Variants in CCNB3 observed in about 807,000 individuals in gnomAD.
CCNB3 encodes G2/mitotic-specific cyclin-B3.
Under a neutral mutation model 68.0 loss-of-function variants are expected in CCNB3, and 12 were observed. The ratio of observed to expected loss-of-function variants is 0.18; its 90% CI spans 0.11 to 0.29. The LOEUF is 0.29. CCNB3 is among the 10% of genes least tolerant of loss of function. CCNB3 has a pLI of 1.00. For missense variants in CCNB3, 904 were observed against 993.1 expected (o/e 0.91, Z 1.21); for synonymous variants, 354 against 388.9 (o/e 0.91, Z 1.06).
rs1242782036 is a variant in CCNB3, at chrX:50,300,405, G to T, written c.335+5412G>T. ...CCTTTGCTTATGAAGCTTAGTTTGG[G>T]TGGATATGAAATTCTGGGTTGAAAA... is the stretch of plus-strand genomic sequence containing the variant. On this transcript the variant is annotated intron_variant, in intron 5 of 12. Coordinates refer to ENST00000376042, the MANE Select transcript of CCNB3 (RefSeq NM_033031.3). Among the ~76,000 whole-genome samples, 6 of 111,077 alleles carry T rather than the reference G, an allele frequency of 5.4e-5. No individual in the cohort carries two copies. The East Asian group carries it at 1.4e-3, about 26-fold the overall frequency.
chrX:50,215,592 G>C (rs1935559317), intron 1 of CCNB3, among the ~76,000 whole-genome samples: 1 of 110,540 alleles, frequency 9.0e-6, no homozygotes, highest in Admixed American at 9.7e-5. Flanking sequence ...TATTGAGAGA[G>C]GGATGTTGAA....
chrX:50,299,124 C>G (rs1557211780), intron 5 of CCNB3, among the ~76,000 whole-genome samples: 1 of 111,546 alleles, frequency 9.0e-6, no homozygotes, highest in African/African-American at 3.3e-5. Flanking sequence ...TTTTGTGTCT[C>G]TATTGCCTTC....
At chrX:50,334,724 A>G in intron 8 of CCNB3, among the ~76,000 whole-genome samples, 1 of 112,288 alleles carries the variant, frequency 8.9e-6, no homozygotes, top group Non-Finnish European at 1.9e-5. Context: ...TTTTTCCTTT[A>G]ACTTACAAAA....
chrX:50,288,654 G>T (rs1011673902), intron 3 of CCNB3, 126 bp from the exon 4 acceptor site: 2 of 447,918 alleles, frequency 4.5e-6, no homozygotes, highest in East Asian at 7.5e-5. Context: ...GTTTATTGGG[G>T]TTTATTATAT....
intron 4 of CCNB3, among the ~76,000 whole-genome samples, chrX:50,292,063 A>T (rs1936358150): frequency 9.0e-6 from 1 of 111,585 alleles, no homozygotes; most frequent in Admixed American, 9.6e-5. Context: ...TGTATATGTC[A>T]TGGTCCCTTT....
At chrX:50,227,422 T>C (rs1448454068) in intron 1 of CCNB3, among the ~76,000 whole-genome samples, 2 of 83,900 alleles carry the variant, frequency 2.4e-5, no homozygotes, top group African/African-American at 4.4e-5. Context: ...AGAATATTTA[T>C]AAATATATAC....
At chrX:50,280,212 T>A (rs1346911595) in intron 1 of CCNB3, among the ~76,000 whole-genome samples, 1 of 36,495 alleles carries the variant, frequency 2.7e-5, no homozygotes, top group Admixed American at 3.0e-4. Flanking sequence ...AAATATATTT[T>A]TAGAATATAT....
At chrX:50,225,999 A>C (rs940474584) in intron 1 of CCNB3, among the ~76,000 whole-genome samples, 3 of 92,047 alleles carry the variant, frequency 3.3e-5, no homozygotes, top group Non-Finnish European at 6.3e-5. Flanking sequence ...ATGTATATAT[A>C]AATATATATA....
At chrX:50,214,164 A>G (rs1418807713) in intron 1 of CCNB3, among the ~76,000 whole-genome samples, 2 of 109,742 alleles carry the variant, frequency 1.8e-5, no homozygotes, top group East Asian at 2.9e-4. Context: ...TTATTAATCT[A>G]TGTCATTTCT....
chrX:50,206,982 T>C (rs1171616099), intron 1 of CCNB3, among the ~76,000 whole-genome samples: 4 of 111,293 alleles, frequency 3.6e-5, no homozygotes, highest in African/African-American at 6.5e-5. Context: ...GGAAAACGTA[T>C]TCCCATGCAG....
intron 8 of CCNB3, among the ~76,000 whole-genome samples, chrX:50,339,585 G>A (rs889460638): frequency 6.3e-5 from 7 of 111,452 alleles, no homozygotes; most frequent in Non-Finnish European, 1.1e-4. Context: ...GATTGCTTGG[G>A]GCCAGGAGTT....
At chrX:50,343,356 C>G (rs1923234883) in intron 9 of CCNB3, among the ~76,000 whole-genome samples, 1 of 111,475 alleles carries the variant, frequency 9.0e-6, no homozygotes, top group South Asian at 3.8e-4. Context: ...CACCCATTAA[C>G]TCGTCATTTA....
At chrX:50,226,279 ATT>A (rs1181856037) in intron 1 of CCNB3, among the ~76,000 whole-genome samples, 2 of 64,536 alleles carry the variant, frequency 3.1e-5, no homozygotes, top group African/African-American at 1.4e-4. Context: ...GAATATATAT[ATT>A]TATATATATA....
Position 50,209,276 on chromosome X carries a change from G to A in CCNB3, c.-113+4326G>A, listed in dbSNP as rs1256465250. Among the ~76,000 whole-genome samples the A allele has an allele frequency of 9.9e-5, 11 of 111,600 alleles. No individual in the cohort carries two copies. The Admixed American group carries it at 1.0e-3, about 11-fold the overall frequency. ...TCCTTGTGTCCCCTTGTTGTTGGGTGTATTTTTGTTAAGAACACTTAACAT... is the reference window on the plus strand; with the variant it reads ...TCCTTGTGTCCCCTTGTTGTTGGGTATATTTTTGTTAAGAACACTTAACAT... On this transcript the variant is annotated intron_variant, in intron 1 of 12. Coordinates refer to ENST00000376042, the MANE Select transcript of CCNB3 (RefSeq NM_033031.3).
rs782603163 is a variant in CCNB3, at chrX:50,324,616, T to C, written c.3516+10668T>C. On this transcript the variant is annotated intron_variant, in intron 8 of 12. Transcript: ENST00000376042. Reference sequence around the variant, plus strand: ...ATACCTTTTCTGTTTTAAAAATTCATTTAACATCTGCTTTTATTTTTATTT... The same window carrying C: ...ATACCTTTTCTGTTTTAAAAATTCACTTAACATCTGCTTTTATTTTTATTT... 2.2e-3 allele frequency among the ~76,000 whole-genome samples: 249 copies of C among 112,187 alleles called. 6 individuals carry two copies. The highest frequency in any genetic ancestry group is 9.2e-3 in the Middle Eastern group (2 of 218).
chrX:50,323,928 T>C (rs1345840430), intron 8 of CCNB3, among the ~76,000 whole-genome samples: 1 of 112,668 alleles, frequency 8.9e-6, no homozygotes, highest in Non-Finnish European at 1.9e-5. Flanking sequence ...TTTTTGTGTG[T>C]GATTCTTTGA....
At chrX:50,279,611 T>C (rs906158834) in intron 1 of CCNB3, among the ~76,000 whole-genome samples, 3 of 74,979 alleles carry the variant, frequency 4.0e-5, no homozygotes, top group Non-Finnish European at 8.2e-5. Context: ...TGTATATGCA[T>C]ATGTACATTC....
chrX:50,347,857 C>A, intron 11 of CCNB3, 82 bp downstream of exon 11: 1 of 967,720 alleles, frequency 1.0e-6, no homozygotes, highest in Non-Finnish European at 1.4e-6. Flanking sequence ...TAAATTAAGG[C>A]CACGGGAAAC....
chrX:50,351,205 T>C, intron 11 of CCNB3, 36 bp from the exon 12 acceptor site: 1 of 1,207,950 alleles, frequency 8.3e-7, no homozygotes, highest in Non-Finnish European at 1.1e-6. Flanking sequence ...GTGTGCTTCC[T>C]ATAGTAGAAA....
Sources: gnomAD v4.1 joint callset for allele counts (sites outside exome capture counted in the v4.1 genomes callset) on GRCh38, gnomAD v4.1.1 for gene constraint, MANE v1.5 for transcripts, NCBI Gene and HGNC (gene_info 2026-07-23, HGNC 2026-07-21) for gene names.